The following BLTP3B variants were observed in gnomAD, a reference collection of about 807,000 sequenced individuals.
BLTP3B encodes the protein bridge-like lipid transfer protein family member 3B, also known as UHRF1 (ICBP90) binding protein 1-like.
the BLTP3B span, among the ~76,000 whole-genome samples, chr12:100,120,434 C>T: frequency 6.6e-6 from 1 of 151,880 alleles, no homozygotes; most frequent in East Asian, 1.9e-4. Flanking sequence ...GACCTTGGAA[C>T]CAAAGAAGAC....
At chr12:100,080,082 G>A in the BLTP3B span, among the ~76,000 whole-genome samples, 1 of 152,242 alleles carries the variant, frequency 6.6e-6, no homozygotes, top group Non-Finnish European at 1.5e-5. Context: ...GGCCCTCATG[G>A]AGAACCTCTG....
the BLTP3B span, chr12:100,084,548 C>T: frequency 6.2e-7 from 1 of 1,614,018 alleles, no homozygotes; most frequent in Non-Finnish European, 8.5e-7. Context: ...TCCTTCACAG[C>T]CTGTTTAAGC....
the BLTP3B span, among the ~76,000 whole-genome samples, chr12:100,080,985 T>C: frequency 6.6e-6 from 1 of 152,156 alleles, no homozygotes; most frequent in Non-Finnish European, 1.5e-5. Context: ...GCTGTTCTTG[T>C]GGTAGTGAAT....
chr12:100,127,789 G>GT, the BLTP3B span, among the ~76,000 whole-genome samples: 1 of 151,994 alleles, frequency 6.6e-6, no homozygotes, highest in South Asian at 2.1e-4. Context: ...TAGGTGGGGG[G>GT]ACTGCTTGAG....
the BLTP3B span, among the ~76,000 whole-genome samples, chr12:100,103,090 C>T: frequency 6.6e-6 from 1 of 152,060 alleles, no homozygotes; most frequent in East Asian, 1.9e-4. Context: ...ATGTGTATTA[C>T]AGGTGTTGGG....
the BLTP3B span, chr12:100,070,268 G>T: frequency 1.5e-6 from 2 of 1,337,134 alleles, no homozygotes; most frequent in Non-Finnish European, 1.9e-6. Flanking sequence ...ATGCCAGAAG[G>T]TTTTTTATTT....
chr12:100,140,143 A>G, the BLTP3B span, among the ~76,000 whole-genome samples: 1 of 152,342 alleles, frequency 6.6e-6, no homozygotes, highest in East Asian at 1.9e-4. Context: ...ACTATAATTT[A>G]TCACAACACC....
the BLTP3B span, chr12:100,102,868 C>G: frequency 2.0e-6 from 3 of 1,502,258 alleles, no homozygotes; most frequent in Non-Finnish European, 2.7e-6. Context: ...CTAATAAAAA[C>G]GTTAAAATAT....
chr12:100,098,216 T>A, the BLTP3B span: 1 of 921,208 alleles, frequency 1.1e-6, no homozygotes, highest in Non-Finnish European at 1.6e-6. Context: ...AGACCCTGTC[T>A]CCCCGCACCC....
At chr12:100,051,073 T>A in the BLTP3B span, 3 of 1,613,132 alleles carry the variant, frequency 1.9e-6, no homozygotes, top group Non-Finnish European at 2.5e-6. Context: ...CTGAAATGAT[T>A]ATTACCAGGT....
At chr12:100,083,113 C>T in the BLTP3B span, 5 of 1,613,230 alleles carry the variant, frequency 3.1e-6, no homozygotes, top group South Asian at 2.2e-5. Context: ...TCTGCATGTC[C>T]CTTTCAGAGG....
At chr12:100,141,435 G>GTA in the BLTP3B span, among the ~76,000 whole-genome samples, 26 of 129,358 alleles carry the variant, frequency 2.0e-4, no homozygotes, top group Non-Finnish European at 3.0e-4. Flanking sequence ...ATGTACATAT[G>GTA]TATATATATG....
At chr12:100,098,224 C>A in the BLTP3B span, 2 of 1,013,570 alleles carry the variant, frequency 2.0e-6, no homozygotes, top group Non-Finnish European at 1.4e-6. Flanking sequence ...TCTCCCCGCA[C>A]CCTCCCCAAA....
At chr12:100,052,494 TAATAA>T in the BLTP3B span, among the ~76,000 whole-genome samples, 8 of 151,894 alleles carry the variant, frequency 5.3e-5, no homozygotes, top group East Asian at 1.9e-4. Context: ...AAATTAAAAA[TAATAA>T]AATAAACAGA....
chr12:100,116,069 G>T, the BLTP3B span, among the ~76,000 whole-genome samples: 3 of 151,956 alleles, frequency 2.0e-5, no homozygotes, highest in African/African-American at 7.2e-5. Context: ...TTACTCAGGA[G>T]GCTGAGGCAG....
At chr12:100,065,028 A>G in the BLTP3B span, among the ~76,000 whole-genome samples, 1 of 152,220 alleles carries the variant, frequency 6.6e-6, no homozygotes, top group East Asian at 1.9e-4. Flanking sequence ...CAAAACAGAT[A>G]AGAATTCACC....
chr12:100,093,854 T>C, the BLTP3B span, among the ~76,000 whole-genome samples: 2 of 152,178 alleles, frequency 1.3e-5, no homozygotes, highest in African/African-American at 4.8e-5. Flanking sequence ...TTCTTATCTT[T>C]ACCAGAAAAT....
the BLTP3B span, among the ~76,000 whole-genome samples, chr12:100,062,731 G>T: frequency 0.04 from 6,139 of 152,260 alleles, 254 homozygotes; most frequent in African/African-American, 0.11. Context: ...GGAGGCCAAA[G>T]TGGGAGGATG....
At chr12:100,111,478 G>T in the BLTP3B span, among the ~76,000 whole-genome samples, 1 of 151,580 alleles carries the variant, frequency 6.6e-6, no homozygotes, top group Non-Finnish European at 1.5e-5. Context: ...TTGAGACAGG[G>T]TCTCACCCTG....
Sources: allele counts gnomAD v4.1 joint callset (sites outside exome capture counted in the v4.1 genomes callset), GRCh38; gene constraint gnomAD v4.1.1; transcripts MANE v1.5; gene names NCBI Gene and HGNC (gene_info 2026-07-23, HGNC 2026-07-21).